NHS: variants seen among roughly 807,000 people sequenced by gnomAD.
NHS encodes the protein actin remodeling regulator NHS.
Under a neutral mutation model 72.5 loss-of-function variants are expected in NHS, and 5 were observed. That is an observed-to-expected ratio of 0.07 (90% CI 0.04 to 0.14). The LOEUF (loss-of-function observed/expected upper bound fraction) is 0.14. NHS is among the 10% of genes least tolerant of loss of function. The pLI is 1.00. For synonymous variants in NHS, 464 were observed against 547.7 expected (o/e 0.85, Z 2.13); for missense variants, 1,072 against 1,355.7 (o/e 0.79, Z 3.29).
chrX:17,667,044 T>C (rs1248265520), intron 1 of NHS, among the ~76,000 whole-genome samples: 1 of 112,393 alleles, frequency 8.9e-6, no homozygotes, highest in Non-Finnish European at 1.9e-5. Flanking sequence ...AAAACCTATT[T>C]GTTATTGCTT....
At chrX:17,379,648 G>A (rs766076434) in intron 1 of NHS, among the ~76,000 whole-genome samples, 7 of 111,449 alleles carry the variant, frequency 6.3e-5, no homozygotes, top group Admixed American at 1.9e-4. Flanking sequence ...GGTGGCAGGC[G>A]CCTGTAATCC....
At chrX:17,542,940 AAC>A in intron 1 of NHS, among the ~76,000 whole-genome samples, 2 of 112,547 alleles carry the variant, frequency 1.8e-5, no homozygotes. Context: ...CACAGTATAT[AAC>A]ACACAGTATT....
chrX:17,432,743 GTT>G (rs112934357), intron 1 of NHS, among the ~76,000 whole-genome samples: 4 of 102,734 alleles, frequency 3.9e-5, no homozygotes, highest in Non-Finnish European at 4.0e-5. Context: ...ATTGCTAGGT[GTT>G]TTTTTTTTTT....
intron 1 of NHS, among the ~76,000 whole-genome samples, chrX:17,532,450 G>A (rs1006804844): frequency 8.9e-6 from 1 of 111,743 alleles, no homozygotes; most frequent in African/African-American, 3.3e-5. Context: ...TAGCAGTAAA[G>A]AATTCAGTAA....
intron 1 of NHS, among the ~76,000 whole-genome samples, chrX:17,525,638 CT>C (rs1162709869): frequency 0.01 from 551 of 53,047 alleles, 7 homozygotes; most frequent in African/African-American, 0.03. Context: ...TCTTTCTTTT[CT>C]TTTTTTTTTT....
intron 1 of NHS, among the ~76,000 whole-genome samples, chrX:17,679,868 G>T (rs1031184569): frequency 4.8e-5 from 5 of 104,984 alleles, no homozygotes; most frequent in South Asian, 4.7e-4. Context: ...AAGGGGGGGG[G>T]GGTGTGCGTT....
At chrX:17,622,804 C>T (rs747573562) in intron 1 of NHS, among the ~76,000 whole-genome samples, 15 of 111,168 alleles carry the variant, frequency 1.3e-4, no homozygotes, top group African/African-American at 4.3e-4. Flanking sequence ...TGCAATCAGG[C>T]GTGGTTTGAG....
intron 1 of NHS, among the ~76,000 whole-genome samples, chrX:17,631,066 G>T (rs931361157): frequency 5.3e-5 from 6 of 112,154 alleles, no homozygotes; most frequent in African/African-American, 1.9e-4. Context: ...ATCAAGTTCA[G>T]GAACAAATCA....
chrX:17,593,717 A>G (rs1323589225), intron 1 of NHS, among the ~76,000 whole-genome samples: 1 of 111,738 alleles, frequency 8.9e-6, no homozygotes, highest in Non-Finnish European at 1.9e-5. Flanking sequence ...GTATGCAGCT[A>G]TTGTCAGCAA....
chrX:17,483,806 T>C (rs1010294039), intron 1 of NHS, among the ~76,000 whole-genome samples: 1 of 110,365 alleles, frequency 9.1e-6, no homozygotes, highest in African/African-American at 3.3e-5. Context: ...CTGAGAGACA[T>C]TGGCATAAGA....
chrX:17,387,284 G>A (rs2064415714), intron 1 of NHS, among the ~76,000 whole-genome samples: 2 of 111,690 alleles, frequency 1.8e-5, no homozygotes, highest in African/African-American at 3.3e-5. Context: ...TTGATCTCCC[G>A]GTGTAATTAC....
intron 1 of NHS, among the ~76,000 whole-genome samples, chrX:17,437,957 G>C (rs1029126801): frequency 1.8e-5 from 2 of 111,953 alleles, no homozygotes; most frequent in Admixed American, 9.4e-5. Flanking sequence ...CTAGTGGTCT[G>C]TGCCTAGGAT....
chrX:17,437,790 T>A (rs772168380), intron 1 of NHS, among the ~76,000 whole-genome samples: 2 of 111,627 alleles, frequency 1.8e-5, no homozygotes, highest in Non-Finnish European at 3.8e-5. Context: ...CAATAACACA[T>A]ATAAAGTACT....
At chrX:17,398,161 G>A (rs1345385652) in intron 1 of NHS, among the ~76,000 whole-genome samples, 1 of 111,869 alleles carries the variant, frequency 8.9e-6, no homozygotes, top group Non-Finnish European at 1.9e-5. Flanking sequence ...AGGGTGTGAA[G>A]GTGGGAGTAG....
chrX:17,573,121 A>G (rs1486685679), intron 1 of NHS, among the ~76,000 whole-genome samples: 1 of 110,723 alleles, frequency 9.0e-6, no homozygotes, highest in African/African-American at 3.3e-5. Flanking sequence ...TTTTTCCTTC[A>G]TTTCAACCTT....
In NHS at chrX:17,687,872, G is replaced by A; in HGVS notation, c.696G>A (p.Gln232=). The part of the protein sequence containing the change: ...CVEELHRHAR[Q]SLQALRREHR... ...AGGAGCTGCACCGCCACGCCCGGCA[G>A]AGCCTGCAAGCCCTGCGCAGAGGTG... Residue 232 remains glutamine, a synonymous_variant, in exon 2 of 9, where the codon CAG becomes CAA. Transcript: ENST00000676302. 1.7e-6 allele frequency: 2 copies of A among 1,211,963 alleles called. No homozygotes were observed. The highest frequency in any genetic ancestry group is 2.2e-6 in the Non-Finnish European group (2 of 895,560).
rs112687892 is a variant in NHS at position 17,600,150 on chromosome X, G to A, written c.566-87592G>A. The stretch of plus-strand genomic sequence containing the variant: ...GTAAAGGTATATGGATAAAAAGGCC[G>A]CCTGTCAATACCAGAGTTCTAAGGA... On this transcript the variant is annotated intron_variant, in intron 1 of 8. Transcript: ENST00000676302. 1.9e-3 allele frequency among the ~76,000 whole-genome samples: 217 copies of A among 111,842 alleles called. 1 individual carries two copies. The highest frequency in any genetic ancestry group is 6.6e-3 in the African/African-American group (204 of 30,807).
chrX:17,635,452 C>T, intron 1 of NHS: 3 of 1,157,859 alleles, frequency 2.6e-6, no homozygotes, highest in Non-Finnish European at 3.5e-6. Flanking sequence ...CGCCCTCCAT[C>T]CCCCCCGCCG....
chrX:17,404,542 GCTT>G (rs767417477), intron 1 of NHS, among the ~76,000 whole-genome samples: 1 of 111,239 alleles, frequency 9.0e-6, no homozygotes. Context: ...TTCTTCCATG[GCTT>G]CTTATAATAA....
Sources: allele counts gnomAD v4.1 joint callset (sites outside exome capture counted in the v4.1 genomes callset), GRCh38; gene constraint gnomAD v4.1.1; transcripts MANE v1.5; gene names NCBI Gene and HGNC (gene_info 2026-07-23, HGNC 2026-07-21).